GRAMD1B: variants seen among roughly 807,000 people sequenced by gnomAD.
GRAMD1B encodes the protein GRAM domain containing 1B.
A neutral mutation model predicts 99.7 loss-of-function variants in GRAMD1B; 37 were observed. That is an observed-to-expected ratio of 0.37 (90% CI 0.29 to 0.49). The LOEUF is 0.49. GRAMD1B is among the 20% of genes least tolerant of loss of function. GRAMD1B has a pLI of 0.98. For missense variants in GRAMD1B, 888 were observed against 1,009.2 expected (o/e 0.88, Z 1.63); for synonymous variants, 427 against 387.6 (o/e 1.10, Z -1.19).
intron 2 of GRAMD1B, among the ~76,000 whole-genome samples, chr11:123,547,267 A>T (rs965202323): frequency 6.6e-6 from 1 of 152,194 alleles, no homozygotes. Context: ...GGATCTATAA[A>T]ATAGAAGCAG....
intron 2 of GRAMD1B, among the ~76,000 whole-genome samples, chr11:123,519,828 T>C (rs1316639955): frequency 6.6e-6 from 1 of 151,724 alleles, no homozygotes; most frequent in Non-Finnish European, 1.5e-5. Flanking sequence ...ATTCTGGTGG[T>C]GGAAAGAGCT....
At chr11:123,496,718 ACC>A (rs1206925290) in intron 2 of GRAMD1B, among the ~76,000 whole-genome samples, 1 of 151,144 alleles carries the variant, frequency 6.6e-6, no homozygotes, top group Non-Finnish European at 1.5e-5. Flanking sequence ...CTTCTGCTTG[ACC>A]AGTTCTGCTA....
At chr11:123,578,800 C>T (rs911252480) in intron 3 of GRAMD1B, among the ~76,000 whole-genome samples, 5 of 152,168 alleles carry the variant, frequency 3.3e-5, no homozygotes, top group Non-Finnish European at 7.3e-5. Context: ...TCTGGTTGTA[C>T]TCCAGGCCCC....
rs60527288 is a variant in GRAMD1B, at chr11:123,534,271, A to G, written c.453-43096A>G. ...AATATATTTACTACTCATTAAGTGG[A>G]AGCAGATTGTCATAAAGGCCTTCAT... On this transcript the variant is annotated intron_variant, in intron 2 of 19. Transcript: ENST00000635736. Among the ~76,000 whole-genome samples the G allele has an allele frequency of 2.0e-3, 305 of 152,358 alleles. 2 individuals are homozygous for G. The highest frequency in any genetic ancestry group is 7.0e-3 in the African/African-American group (291 of 41,588).
chr11:123,596,097 T>G (rs1430880577), intron 7 of GRAMD1B, 60 bp downstream of exon 7: 1 of 906,724 alleles, frequency 1.1e-6, no homozygotes, highest in East Asian at 2.6e-5. Context: ...CTCTTGTATT[T>G]CTGCCCTTTC....
chr11:123,434,643 C>G (rs1432493423), intron 1 of GRAMD1B, among the ~76,000 whole-genome samples: 3 of 152,148 alleles, frequency 2.0e-5, no homozygotes, highest in African/African-American at 7.2e-5. Context: ...CAAAAATTAG[C>G]TGGACATGGT....
At chr11:123,363,958 A>C (rs958540425) in intron 1 of GRAMD1B, among the ~76,000 whole-genome samples, 3 of 152,112 alleles carry the variant, frequency 2.0e-5, no homozygotes, top group Non-Finnish European at 4.4e-5. Context: ...AAAAACAAAA[A>C]CCAACAATGC....
At chr11:123,528,038 C>T (rs770428940) in intron 2 of GRAMD1B, among the ~76,000 whole-genome samples, 3 of 152,188 alleles carry the variant, frequency 2.0e-5, no homozygotes, top group Non-Finnish European at 4.4e-5. Flanking sequence ...TGCCTTGATA[C>T]TGTTAGATCC....
intron 6 of GRAMD1B, 74 bp from the exon 7 acceptor site, chr11:123,595,868 C>A: frequency 1.3e-6 from 1 of 782,046 alleles, no homozygotes; most frequent in Non-Finnish European, 2.2e-6. Context: ...ACTGGCGCCC[C>A]CTGAACACTG....
At chr11:123,551,318 A>G (rs1945588196) in intron 2 of GRAMD1B, among the ~76,000 whole-genome samples, 1 of 152,210 alleles carries the variant, frequency 6.6e-6, no homozygotes, top group Non-Finnish European at 1.5e-5. Flanking sequence ...ATCAGCAGCT[A>G]TTACTCCAGG....
intron 1 of GRAMD1B, among the ~76,000 whole-genome samples, chr11:123,444,383 T>C (rs1949544343): frequency 6.6e-6 from 1 of 152,070 alleles, no homozygotes; most frequent in Admixed American, 6.6e-5. Context: ...TCGCAGCACT[T>C]TGGGTGGCTG....
chr11:123,599,040 C>T (rs1480250921), intron 7 of GRAMD1B: 17 of 1,096,042 alleles, frequency 1.6e-5, no homozygotes, highest in South Asian at 2.5e-5. Context: ...ATCGAGGTAA[C>T]GACCATATCC....
chr11:123,511,110 T>G (rs76453382), intron 2 of GRAMD1B, among the ~76,000 whole-genome samples: 2,403 of 152,270 alleles, frequency 0.016, 78 homozygotes, highest in African/African-American at 0.054. Flanking sequence ...CTCTGCTTCT[T>G]CTCTGCACTG....
At chr11:123,359,739 T>C (rs1022930082) in intron 1 of GRAMD1B, among the ~76,000 whole-genome samples, 2 of 152,112 alleles carry the variant, frequency 1.3e-5, no homozygotes, top group Admixed American at 6.5e-5. Context: ...AGATTTTTTT[T>C]CCTCCTAGGA....
At chr11:123,449,395 T>C (rs1185350732) in intron 1 of GRAMD1B, among the ~76,000 whole-genome samples, 1 of 152,234 alleles carries the variant, frequency 6.6e-6, no homozygotes, top group Non-Finnish European at 1.5e-5. Flanking sequence ...TCGATTTTCA[T>C]GGAATTCTAC....
intron 2 of GRAMD1B, among the ~76,000 whole-genome samples, chr11:123,513,576 C>T (rs59241419): frequency 0.086 from 5,513 of 64,172 alleles, 160 homozygotes; most frequent in East Asian, 0.24. Flanking sequence ...TTCCTTCCTT[C>T]CTTTCCTTCC....
chr11:123,483,391 CTTTTTTT>C (rs67407274), intron 2 of GRAMD1B, among the ~76,000 whole-genome samples: 29 of 134,174 alleles, frequency 2.2e-4, no homozygotes, highest in Middle Eastern at 8.2e-3. Context: ...TTTTCTTTTT[CTTTTTTT>C]TTTTTTTTTT....
intron 2 of GRAMD1B, among the ~76,000 whole-genome samples, chr11:123,544,549 G>A (rs1261446710): frequency 6.6e-6 from 1 of 152,152 alleles, no homozygotes; most frequent in African/African-American, 2.4e-5. Context: ...CCTCCTGTAG[G>A]TGGCTTTCCA....
intron 2 of GRAMD1B, chr11:123,560,599 A>T (rs1946634302): frequency 1.8e-6 from 1 of 540,936 alleles, no homozygotes; most frequent in South Asian, 1.5e-5. Context: ...GCATGAATGA[A>T]TGAGTTCCTC....
Sources: allele counts gnomAD v4.1 joint callset (sites outside exome capture counted in the v4.1 genomes callset), GRCh38; gene constraint gnomAD v4.1.1; transcripts MANE v1.5; gene names NCBI Gene and HGNC (gene_info 2026-07-23, HGNC 2026-07-21).